Variants in FMN2 observed in about 807,000 individuals in gnomAD.
FMN2 encodes the protein formin-2.
FMN2 carries 51 observed loss-of-function variants against 142.3 expected under a neutral mutation model. The observed-to-expected ratio is 0.36, with a 90% CI of 0.29 to 0.45. FMN2 has a LOEUF of 0.45. Among genes scored for constraint, FMN2 ranks in the 20% least tolerant of loss-of-function variants. FMN2 has a pLI of 1.00. For missense variants in FMN2, 1,936 were observed against 2,122.8 expected (o/e 0.91, Z 1.73); for synonymous variants, 882 against 869.8 (o/e 1.01, Z -0.25).
chr1:240,199,040 G>A (rs1666033130), intron 4 of FMN2, among the ~76,000 whole-genome samples: 1 of 152,128 alleles, frequency 6.6e-6, no homozygotes, highest in African/African-American at 2.4e-5. Flanking sequence ...AGGAGGCAGA[G>A]GTTGCAATGA....
chr1:240,110,528 A>G (rs927332331), intron 1 of FMN2, among the ~76,000 whole-genome samples: 5 of 152,226 alleles, frequency 3.3e-5, no homozygotes, highest in African/African-American at 1.2e-4. Flanking sequence ...CTGATGGTGA[A>G]TAAAAACTTA....
chr1:240,312,305 CCTT>C (rs1670627025), intron 8 of FMN2, among the ~76,000 whole-genome samples: 1 of 152,176 alleles, frequency 6.6e-6, no homozygotes, highest in South Asian at 2.1e-4. Flanking sequence ...CTTACCATCT[CCTT>C]CTAGTAAAAG....
intron 2 of FMN2, chr1:240,143,493 G>A (rs1055903105): frequency 1.3e-6 from 2 of 1,555,006 alleles, no homozygotes; most frequent in Non-Finnish European, 1.8e-6. Context: ...TTTCCTTCTT[G>A]CCTTTGTCTT....
intron 16 of FMN2, among the ~76,000 whole-genome samples, chr1:240,464,096 A>G (rs1676535209): frequency 6.6e-6 from 1 of 152,168 alleles, no homozygotes; most frequent in Non-Finnish European, 1.5e-5. Context: ...CAACAAGTAG[A>G]TTTGCCAGTT....
intron 3 of FMN2, among the ~76,000 whole-genome samples, chr1:240,180,833 C>T (rs1665120401): frequency 6.6e-6 from 1 of 152,004 alleles, no homozygotes; most frequent in Non-Finnish European, 1.5e-5. Flanking sequence ...TCCCAAAGTG[C>T]TGGGATTACA....
chr1:240,424,386 A>T (rs1170862256), intron 15 of FMN2, among the ~76,000 whole-genome samples: 1 of 152,200 alleles, frequency 6.6e-6, no homozygotes, highest in Non-Finnish European at 1.5e-5. Flanking sequence ...GGTAAGGGTG[A>T]TCAAGTCACT....
At position 240,093,276 on chromosome 1, in the gene FMN2, T is replaced by G. The variant is rs747634491; in HGVS notation, c.1167T>G (p.Pro389=). 2.5e-5 allele frequency: 40 copies of G among 1,604,392 alleles called. No homozygotes were observed. Among genetic ancestry groups the G allele is most frequent in the Non-Finnish European group, 3.2e-5 (38 of 1,175,444 alleles). ...GEEPEEEAQG[P]DAPAAASLPG... is the part of the protein sequence containing the mutation. ...AGCCGGAGGAGGAGGCGCAAGGACC[T>G]GACGCCCCCGCGGCCGCTTCCCTGC... Residue 389 remains proline, a synonymous_variant, in exon 1 of 18, where the codon CCT becomes CCG. Coordinates refer to ENST00000319653, the MANE Select transcript of FMN2 (RefSeq NM_020066.5).
intron 3 of FMN2, among the ~76,000 whole-genome samples, chr1:240,180,862 C>T (rs185917004): frequency 7.6e-4 from 114 of 150,370 alleles, no homozygotes; most frequent in African/African-American, 2.7e-3. Context: ...CCACTGTGCC[C>T]GGGTGACCCC....
intron 8 of FMN2, among the ~76,000 whole-genome samples, chr1:240,296,438 CTTTTTTTTTTTT>C (rs772711130): frequency 2.1e-5 from 1 of 46,910 alleles, no homozygotes; most frequent in African/African-American, 9.9e-5. Flanking sequence ...TCTTTGAGTG[CTTTTTTTTTTTT>C]TTTTTTTTTT....
chr1:240,440,651 T>C (rs1260594821), intron 16 of FMN2, among the ~76,000 whole-genome samples: 1 of 152,170 alleles, frequency 6.6e-6, no homozygotes, highest in Non-Finnish European at 1.5e-5. Context: ...CTAAATCATT[T>C]GCTTTTAATA....
intron 2 of FMN2, among the ~76,000 whole-genome samples, chr1:240,175,399 T>G (rs1291603623): frequency 6.6e-6 from 1 of 152,252 alleles, no homozygotes; most frequent in Non-Finnish European, 1.5e-5. Flanking sequence ...TTTGAGGAAC[T>G]GCCATATATT....
At chr1:240,213,862 A>G (rs977858219) in intron 6 of FMN2, among the ~76,000 whole-genome samples, 1 of 152,254 alleles carries the variant, frequency 6.6e-6, no homozygotes, top group Non-Finnish European at 1.5e-5. Context: ...TTTTACCGTC[A>G]TGGCAGAGAC....
chr1:240,372,460 G>T (rs1672898947), intron 14 of FMN2, among the ~76,000 whole-genome samples: 2 of 151,606 alleles, frequency 1.3e-5, no homozygotes. Flanking sequence ...TTCCTCCAAT[G>T]ATTTCTTATT....
intron 10 of FMN2, 73 bp downstream of exon 10, chr1:240,329,541 A>G (rs1402326866): frequency 3.7e-5 from 57 of 1,551,506 alleles, no homozygotes; most frequent in Non-Finnish European, 4.8e-5. Context: ...TATTTCAGAA[A>G]AGCATTCTTT....
At chr1:240,444,756 G>C (rs1247377707) in intron 16 of FMN2, among the ~76,000 whole-genome samples, 1 of 152,128 alleles carries the variant, frequency 6.6e-6, no homozygotes, top group Admixed American at 6.5e-5. Flanking sequence ...TCCGTAATTT[G>C]TATTCAAGTG....
intron 4 of FMN2, among the ~76,000 whole-genome samples, chr1:240,198,752 A>G (rs1371795325): frequency 6.6e-6 from 1 of 152,150 alleles, no homozygotes; most frequent in African/African-American, 2.4e-5. Context: ...TGTGTAGCAG[A>G]TGTTAACATA....
At position 240,143,354 on chromosome 1, in the gene FMN2, A is replaced by C. The variant is rs1474294167; in HGVS notation, c.1782+20009A>C. ...AGTGCAGGCTCCCCATATCTCAGCAAGTGGCCAAAGGTTCATAGTGCCGTC... is the reference window on the plus strand; with the variant it reads ...AGTGCAGGCTCCCCATATCTCAGCACGTGGCCAAAGGTTCATAGTGCCGTC... On this transcript the variant is annotated intron_variant, in intron 2 of 17. Transcript: ENST00000319653. 3 of 1,478,690 alleles carry C rather than the reference A, an allele frequency of 2.0e-6. No homozygotes were observed. In the African/African-American group the frequency reaches 4.2e-5, roughly 21 times the overall value. The allele number at this position is 1,478,690 out of a possible 1,614,324, so 91.6% of individuals were successfully genotyped here.
Position 240,092,027 on chromosome 1 carries a change from TC to T in FMN2, c.-80del. 4.2e-6 allele frequency: 6 copies of T among 1,434,476 alleles called. No homozygotes were observed. The highest frequency in any genetic ancestry group is 4.5e-6 in the Non-Finnish European group (5 of 1,102,972). The allele number at this position is 1,434,476 out of a possible 1,614,324, so 88.9% of individuals were successfully genotyped here. A position where few individuals can be genotyped will look rare whatever the true frequency, so the allele number is the denominator to read the frequency against. ...CCGCCGCCTGACTCTCCCGGGAGAC[TC>T]CCTAGGCCCGGACCTGGGGCCGAGG... On this transcript the variant is annotated 5_prime_UTR_variant, in exon 1 of 18. It introduces an in-frame stop codon into an upstream open reading frame of the 5' UTR. Transcript: ENST00000319653.
At chr1:240,297,415 G>A (rs1197663137) in intron 8 of FMN2, among the ~76,000 whole-genome samples, 3 of 151,832 alleles carry the variant, frequency 2.0e-5, no homozygotes, top group Non-Finnish European at 4.4e-5. Flanking sequence ...CCAACATGGT[G>A]AAACCCCGTC....
Sources: gnomAD v4.1 joint callset for allele counts (sites outside exome capture counted in the v4.1 genomes callset) on GRCh38, gnomAD v4.1.1 for gene constraint, MANE v1.5 for transcripts, NCBI Gene and HGNC (gene_info 2026-07-23, HGNC 2026-07-21) for gene names.